The following MYO18B variants were observed in gnomAD, a reference collection of about 807,000 sequenced individuals.
MYO18B encodes unconventional myosin-XVIIIb.
MYO18B carries 204 observed loss-of-function variants against 273.0 expected under a neutral mutation model. The ratio of observed to expected loss-of-function variants is 0.75; its 90% confidence interval spans 0.67 to 0.84. The LOEUF is 0.84. Among genes scored for constraint, MYO18B ranks in the 40% least tolerant of loss-of-function variants. The pLI is 0.00. For synonymous variants in MYO18B, 1,330 were observed against 1,305.7 expected (o/e 1.02, Z -0.40); for missense variants, 3,212 against 3,287.6 (o/e 0.98, Z 0.56).
At chr22:25,872,651 C>T (rs1010867719) in intron 22 of MYO18B, among the ~76,000 whole-genome samples, 2 of 151,582 alleles carry the variant, frequency 1.3e-5, no homozygotes, top group African/African-American at 2.4e-5. Flanking sequence ...TGTAAAGGAT[C>T]GTGGGCCAAT....
chr22:25,881,398 C>G (rs2091330459), intron 25 of MYO18B, among the ~76,000 whole-genome samples: 1 of 152,246 alleles, frequency 6.6e-6, no homozygotes, highest in African/African-American at 2.4e-5. Context: ...ACACACGTGC[C>G]TGATGTCTCA....
intron 27 of MYO18B, among the ~76,000 whole-genome samples, chr22:25,892,812 G>T (rs553671902): frequency 6.6e-6 from 1 of 152,176 alleles, no homozygotes; most frequent in African/African-American, 2.4e-5. Context: ...GAACATGTTG[G>T]TATAAAATCA....
At chr22:25,914,199 G>C (rs1296212676) in intron 33 of MYO18B, among the ~76,000 whole-genome samples, 1 of 151,752 alleles carries the variant, frequency 6.6e-6, no homozygotes, top group Non-Finnish European at 1.5e-5. Flanking sequence ...TTGATAACTC[G>C]TAGGACAGCT....
intron 34 of MYO18B, among the ~76,000 whole-genome samples, chr22:25,931,667 TTTTTTTC>T (rs1044060651): frequency 2.4e-4 from 36 of 150,710 alleles, no homozygotes; most frequent in East Asian, 3.9e-4. Context: ...GCCTTTTCTT[TTTTTTTC>T]TTTTTTCTTT....
chr22:26,000,727 A>G (rs1209840729), intron 40 of MYO18B, among the ~76,000 whole-genome samples: 2 of 152,094 alleles, frequency 1.3e-5, no homozygotes, highest in African/African-American at 4.8e-5. Context: ...TTCTTATTTT[A>G]AACATACTCT....
chr22:25,768,808 G>C lies in MYO18B; in HGVS notation c.892G>C (p.Val298Leu). 1 of 1,610,588 alleles carries C rather than the reference G, an allele frequency of 6.2e-7. No homozygotes were observed. Among genetic ancestry groups the C allele is most frequent in the Non-Finnish European group, 8.5e-7 (1 of 1,178,350 alleles). Reference sequence around the variant, plus strand: ...CACAAACACGGTGGAAAAGGGGAATGTCTCTAAGGACGTAGGGAGTGAAGG... The same window carrying C: ...CACAAACACGGTGGAAAAGGGGAATCTCTCTAAGGACGTAGGGAGTGAAGG... ...EPTNTVEKGNVSKDVGSEGKH... is the reference protein window; with the variant it reads ...EPTNTVEKGNLSKDVGSEGKH... The change falls in exon 4 of 44, where the codon GTC becomes CTC. Residue 298 changes from valine to leucine, a missense_variant. Physicochemically the swap from Val to Leu is conservative, Grantham distance 32. Coordinates refer to ENST00000335473, the MANE Select transcript of MYO18B (RefSeq NM_032608.7).
At chr22:25,877,168 G>A (rs1357917103) in intron 24 of MYO18B, 1 of 152,204 alleles carries the variant, frequency 6.6e-6, no homozygotes, top group African/African-American at 2.4e-5. Context: ...AGACTGGGCA[G>A]GGCTGGAACA....
intron 6 of MYO18B, among the ~76,000 whole-genome samples, 195 bp downstream of exon 6, chr22:25,771,179 G>A (rs1460983255): frequency 6.6e-6 from 1 of 152,208 alleles, no homozygotes; most frequent in East Asian, 1.9e-4. Context: ...GGTACTATTA[G>A]GGGGTCATTC....
chr22:26,007,323 C>A (rs1387134147), intron 42 of MYO18B, among the ~76,000 whole-genome samples: 5 of 152,220 alleles, frequency 3.3e-5, no homozygotes, highest in African/African-American at 1.2e-4. Flanking sequence ...GATTGTGGCA[C>A]AGAGAGGGTT....
chr22:25,792,491 TC>T (rs67497003), intron 11 of MYO18B, among the ~76,000 whole-genome samples: 61,438 of 95,656 alleles, frequency 0.64, 19,282 homozygotes, highest in Non-Finnish European at 0.71. Flanking sequence ...CTTTTTTTTT[TC>T]TTTTCTTTTT....
chr22:25,995,960 G>C (rs1022510847), intron 40 of MYO18B, among the ~76,000 whole-genome samples: 1 of 152,168 alleles, frequency 6.6e-6, no homozygotes, highest in Non-Finnish European at 1.5e-5. Context: ...TTGCTGTGAG[G>C]TGTGACACGA....
chr22:25,785,703 C>T (rs1314899611), intron 11 of MYO18B, among the ~76,000 whole-genome samples: 3 of 152,132 alleles, frequency 2.0e-5, no homozygotes, highest in Admixed American at 6.5e-5. Flanking sequence ...ACATAGTATA[C>T]GTAGAGGTAG....
In MYO18B at chr22:25,851,550, T is replaced by C. The variant is rs1049547692; in HGVS notation, c.3856T>C (p.Ser1286Pro). Reference sequence around the variant, plus strand: ...CGCTCCACTCCTGAAGAAGCTCATGTCGACCTCCGAGGGAATAGATGAAAG... The same window carrying C: ...CGCTCCACTCCTGAAGAAGCTCATGCCGACCTCCGAGGGAATAGATGAAAG... ...LDAPLLKKLMSTSEGIDERKA... is the reference protein window; with the variant it reads ...LDAPLLKKLMPTSEGIDERKA... The change falls in exon 21 of 44, where the codon TCG becomes CCG. Residue 1286 changes from serine (S) to proline (P), a missense_variant. By Grantham distance (74) the Ser-to-Pro change is moderately conservative (BLOSUM62 -1). Coordinates refer to ENST00000335473, the MANE Select transcript of MYO18B (RefSeq NM_032608.7). 4.5e-6 allele frequency: 7 copies of C among 1,559,272 alleles called. No homozygotes were observed. The highest frequency in any genetic ancestry group is 3.5e-6 in the Non-Finnish European group (4 of 1,151,246).
chr22:25,822,688 G>T (rs1281807725), intron 12 of MYO18B, among the ~76,000 whole-genome samples: 1 of 152,244 alleles, frequency 6.6e-6, no homozygotes, highest in Admixed American at 6.5e-5. Flanking sequence ...GGTTTATTTG[G>T]CCGGGAGTGC....
intron 16 of MYO18B, 50 bp from the exon 17 acceptor site, chr22:25,835,246 G>A (rs749188810): frequency 6.3e-7 from 1 of 1,579,812 alleles, no homozygotes; most frequent in Admixed American, 1.9e-5. Context: ...CCCAAGACAG[G>A]CTTCTGATGG....
chr22:25,742,724 TTTCGTGTTAA>T (rs1168081973), intron 1 of MYO18B, among the ~76,000 whole-genome samples: 2 of 152,240 alleles, frequency 1.3e-5, no homozygotes, highest in South Asian at 4.1e-4. Context: ...AGGCTTCCCC[TTTCGTGTTAA>T]CAACGCTGTT....
the MYO18B span, among the ~76,000 whole-genome samples, chr22:26,055,400 T>C: frequency 6.6e-6 from 1 of 152,200 alleles, no homozygotes; most frequent in East Asian, 1.9e-4. Context: ...ACCTGGAGCA[T>C]TGAAGAGGGC....
At chr22:25,754,645 C>T (rs1256858602) in intron 1 of MYO18B, among the ~76,000 whole-genome samples, 1 of 152,176 alleles carries the variant, frequency 6.6e-6, no homozygotes, top group Non-Finnish European at 1.5e-5. Context: ...GGGCTTAAAA[C>T]AGCAGCTGAC....
chr22:25,942,415 G>A (rs1039411981), intron 34 of MYO18B, among the ~76,000 whole-genome samples: 1 of 152,190 alleles, frequency 6.6e-6, no homozygotes, highest in Non-Finnish European at 1.5e-5. Flanking sequence ...AGAGGTTTCC[G>A]TTATAGCACG....
Sources: gnomAD v4.1 joint callset for allele counts (sites outside exome capture counted in the v4.1 genomes callset) on GRCh38, gnomAD v4.1.1 for gene constraint, MANE v1.5 for transcripts, NCBI Gene and HGNC (gene_info 2026-07-23, HGNC 2026-07-21) for gene names.